The following AGR2 variants were observed in gnomAD, a reference collection of about 807,000 sequenced individuals.
AGR2 encodes anterior gradient 2, protein disulphide isomerase family member.
A neutral mutation model predicts 25.9 loss-of-function variants in AGR2; 27 were observed. The observed-to-expected ratio is 1.04, with a 90% CI of 0.77 to 1.44. The LOEUF is 1.44. Among genes scored for constraint, AGR2 ranks in the 40% most tolerant of loss-of-function variants. The pLI, the probability that AGR2 is intolerant of heterozygous loss-of-function variation, is 0.00. For synonymous variants in AGR2, 78 were observed against 72.0 expected, an observed-to-expected ratio of 1.08 and a Z score of -0.42; for missense variants, 182 against 200.9, an observed-to-expected ratio of 0.91 and a Z score of 0.57.
chr7:16,801,452 G>T, intron 2 of AGR2, 69 bp from the exon 3 acceptor site: 3 of 1,442,008 alleles, frequency 2.1e-6, no homozygotes, highest in South Asian at 2.3e-5. Flanking sequence ...GAAAAGCAAT[G>T]GTAAAGACTG....
At chr7:16,794,805 G>A (rs774586176) in intron 7 of AGR2, 131 bp downstream of exon 7, 1 of 1,543,790 alleles carries the variant, frequency 6.5e-7, no homozygotes, top group South Asian at 1.2e-5. Context: ...AGGCTAGTTA[G>A]GGTCAAACTG....
At chr7:16,804,268 A>G (rs1193344849) in intron 1 of AGR2, among the ~76,000 whole-genome samples, 1 of 22,946 alleles carries the variant, frequency 4.4e-5, no homozygotes, top group Non-Finnish European at 1.2e-4. Flanking sequence ...AGACATAGGT[A>G]CACACACACA....
intron 4 of AGR2, among the ~76,000 whole-genome samples, chr7:16,800,259 G>A (rs1031097425): frequency 3.3e-5 from 5 of 152,250 alleles, no homozygotes; most frequent in African/African-American, 1.2e-4. Flanking sequence ...AAAACTGTGA[G>A]TGGTCAGGGC....
At position 16,792,316 on chromosome 7, in the gene AGR2, G is replaced by A. The variant is rs1784977984; in HGVS notation, c.*592C>T. ...GGCTTTCCCTGAGAGCATTAGGTTG[G>A]GCAAAATCTGACTAAAATTTAATTA... On this transcript the variant is annotated 3_prime_UTR_variant, in exon 8 of 8. Coordinates refer to ENST00000419304, the MANE Select transcript of AGR2 (RefSeq NM_006408.4). The A allele has an allele frequency of 6.6e-6, 1 of 152,482 alleles. No homozygotes were observed. The highest frequency in any genetic ancestry group is 1.5e-5 in the Non-Finnish European group (1 of 68,160). The allele number at this position is 152,482 out of a possible 1,614,324, so 9.4% of individuals were successfully genotyped here. A position where few individuals can be genotyped will look rare whatever the true frequency, so the allele number is the denominator to read the frequency against.
At position 16,794,191 on chromosome 7, in the gene AGR2, A is replaced by G. The variant is rs1443471678; in HGVS notation, c.478+745T>C. Among the ~76,000 whole-genome samples, 5 of 152,368 alleles carry G rather than the reference A, an allele frequency of 3.3e-5. No individual in the cohort carries two copies. In the East Asian group the frequency reaches 5.8e-4, roughly 18 times the overall value. ...TGATGGAAATGTTCAGTGTCCGGGC[A>G]TTGAGCACTTGGAATATGGCTAGTG... On this transcript the variant is annotated intron_variant, in intron 7 of 7. Transcript: ENST00000419304.
chr7:16,794,596 G>A lies in AGR2; in HGVS notation c.478+340C>T, dbSNP rs562158662. 8.4e-6 allele frequency: 4 copies of A among 475,006 alleles called. No homozygotes were observed. The South Asian group carries it at 1.7e-4, about 20-fold the overall frequency. 29.4% of individuals were successfully genotyped at this position (475,006 alleles called of 1,614,324 possible). A position where few individuals can be genotyped will look rare whatever the true frequency, so the allele number is the denominator to read the frequency against. ...GTTATTTAAAAAATTAAGACATGCA[G>A]ATTATTACAATTATTACACTCAGTT... is the stretch of plus-strand genomic sequence containing the variant. On this transcript the variant is annotated intron_variant, in intron 7 of 7. Coordinates refer to ENST00000419304, the MANE Select transcript of AGR2 (RefSeq NM_006408.4).
chr7:16,801,116 C>T (rs1229027275), intron 4 of AGR2, 35 bp downstream of exon 4: 12 of 1,590,182 alleles, frequency 7.5e-6, no homozygotes, highest in Non-Finnish European at 1.0e-5. Context: ...GGCTAAAAGC[C>T]TATAAAGGAA....
chr7:16,796,240 T>C (rs1195691580), intron 6 of AGR2, among the ~76,000 whole-genome samples: 1 of 152,218 alleles, frequency 6.6e-6, no homozygotes, highest in African/African-American at 2.4e-5. Context: ...TTCTTAGGAC[T>C]GAAGGAATTG....
chr7:16,804,535 G>T lies in AGR2; in HGVS notation c.-8+400C>A, dbSNP rs60807324. 9.3e-3 allele frequency among the ~76,000 whole-genome samples: 1,421 copies of T among 152,162 alleles called. 27 individuals are homozygous for T. The highest frequency in any genetic ancestry group is 0.032 in the African/African-American group (1,330 of 41,488). ...TGATTTGCAATAATATATTCCAAGC[G>T]GGCAATCCGAGCTGAGGTGTCATAG... is the stretch of plus-strand genomic sequence containing the variant. On this transcript the variant is annotated intron_variant, in intron 1 of 7. Coordinates refer to ENST00000419304, the MANE Select transcript of AGR2 (RefSeq NM_006408.4).
Position 16,792,884 on chromosome 7 carries a change from G to GA in AGR2, c.*23dup. The GA allele has an allele frequency of 6.2e-7, 1 of 1,608,070 alleles. No homozygotes were observed. The highest frequency in any genetic ancestry group is 1.1e-5 in the South Asian group (1 of 90,932). Reference sequence around the variant, plus strand: ...TTCAAGTCTCAAGGCCTGACAGACAGAAGGGCTTGGAGATTTTTTTTCTTT... The same window carrying GA: ...TTCAAGTCTCAAGGCCTGACAGACAGAAAGGGCTTGGAGATTTTTTTTCTTT... On this transcript the variant is annotated 3_prime_UTR_variant, in exon 8 of 8. Coordinates refer to ENST00000419304, the MANE Select transcript of AGR2 (RefSeq NM_006408.4).
chr7:16,794,713 C>T (rs991444531), intron 7 of AGR2: 1 of 1,224,354 alleles, frequency 8.2e-7, no homozygotes, highest in African/African-American at 1.5e-5. Context: ...AAAAAGATAC[C>T]TAATCTAAAT....
chr7:16,800,445 G>A (rs1785122083), intron 4 of AGR2, among the ~76,000 whole-genome samples: 1 of 152,200 alleles, frequency 6.6e-6, no homozygotes, highest in Non-Finnish European at 1.5e-5. Flanking sequence ...GAGAGTGGTA[G>A]GAAGGGAGAG....
chr7:16,803,753 C>A (rs959140550), intron 1 of AGR2, among the ~76,000 whole-genome samples: 2 of 152,130 alleles, frequency 1.3e-5, no homozygotes, highest in Admixed American at 6.5e-5. Flanking sequence ...GTCAACAATT[C>A]TCAGCCCTCT....
At chr7:16,796,606 T>C (rs1785048894) in intron 6 of AGR2, among the ~76,000 whole-genome samples, 1 of 152,174 alleles carries the variant, frequency 6.6e-6, no homozygotes, top group African/African-American at 2.4e-5. Flanking sequence ...TAAACACATA[T>C]TGATGGAGAG....
Position 16,794,989 on chromosome 7 carries a change from G to A in AGR2, c.425C>T (p.Thr142Ile). ...ATAGAGACGATTTGAATATCTTCCA[G>A]TGATATCGGCTCTAACTGTCAGAGA... ...DPSLTVRADI[T>I]GRYSNRLYAY... The change falls in exon 7 of 8, where the codon ACT becomes ATT. Residue 142 changes from threonine (T) to isoleucine (I), a missense_variant. Physicochemically the swap from Thr to Ile is moderately conservative, Grantham distance 89. Coordinates refer to ENST00000419304, the MANE Select transcript of AGR2 (RefSeq NM_006408.4). 6.2e-7 allele frequency: 1 copy of A among 1,614,146 alleles called. No individual in the cohort carries two copies. The highest frequency in any genetic ancestry group is 1.1e-5 in the South Asian group (1 of 91,082).
intron 1 of AGR2, among the ~76,000 whole-genome samples, chr7:16,803,994 T>C (rs1007614861): frequency 6.6e-6 from 1 of 152,186 alleles, no homozygotes; most frequent in Admixed American, 6.5e-5. Context: ...CAGTTCTTGT[T>C]TTCCAAGTAG....
rs771727052 is a variant in AGR2 at position 16,797,742 on chromosome 7, C to A, written c.331-48G>T. ...TTTTAGTTTACTTTGACTTTTCAGT[C>A]GTTTTCAAACTTGTTAATACAAGAA... is the stretch of plus-strand genomic sequence containing the variant. On this transcript the variant is annotated intron_variant, in intron 5 of 7. Coordinates refer to ENST00000419304, the MANE Select transcript of AGR2 (RefSeq NM_006408.4). 2.6e-6 allele frequency: 4 copies of A among 1,520,272 alleles called. No homozygotes were observed. The South Asian group carries it at 3.5e-5, about 13-fold the overall frequency. 94.2% of individuals were successfully genotyped at this position (1,520,272 alleles called of 1,614,324 possible). A position where few individuals can be genotyped will look rare whatever the true frequency, so the allele number is the denominator to read the frequency against.
At chr7:16,794,003 C>T (rs1362916378) in intron 7 of AGR2, among the ~76,000 whole-genome samples, 4 of 152,170 alleles carry the variant, frequency 2.6e-5, no homozygotes, top group Middle Eastern at 3.2e-3. Context: ...GGTATTATCT[C>T]AGTAATGGCT....
intron 5 of AGR2, 34 bp downstream of exon 5, chr7:16,799,710 G>A (rs1785109748): frequency 6.7e-7 from 1 of 1,498,756 alleles, no homozygotes. Context: ...ATGAGCCATA[G>A]AGAAATGTTA....
Sources: allele counts gnomAD v4.1 joint callset (sites outside exome capture counted in the v4.1 genomes callset), GRCh38; gene constraint gnomAD v4.1.1; transcripts MANE v1.5; gene names NCBI Gene and HGNC (gene_info 2026-07-23, HGNC 2026-07-21).